Variants in ZNF844 observed in about 807,000 individuals in gnomAD.
ZNF844 encodes zinc finger protein 844.
In ZNF844, 11 loss-of-function variants were observed where a neutral mutation model predicts 11.4. The observed-to-expected ratio is 0.97, with a 90% CI of 0.61 to 1.60. ZNF844 has a LOEUF of 1.60. Among genes scored for constraint, ZNF844 ranks in the 40% most tolerant of loss-of-function variants. The pLI is 0.00. For synonymous variants in ZNF844, 248 were observed against 260.3 expected, an observed-to-expected ratio of 0.95 and a Z score of 0.46; for missense variants, 790 against 796.8, an observed-to-expected ratio of 0.99 and a Z score of 0.10.
At chr19:12,071,213 A>G (rs1305470627) in intron 1 of ZNF844, among the ~76,000 whole-genome samples, 1 of 152,142 alleles carries the variant, frequency 6.6e-6, no homozygotes, top group African/African-American at 2.4e-5. Context: ...CCCCCATGAT[A>G]CATGTGAAAC....
At position 12,076,205 on chromosome 19, in the gene ZNF844, G is replaced by C; in HGVS notation, c.1085G>C (p.Arg362Thr). 6 of 1,594,114 alleles carry C rather than the reference G, an allele frequency of 3.8e-6. No homozygotes were observed. The East Asian group carries it at 1.4e-4, about 37-fold the overall frequency. ...QRHMKMHTRM[R>T]PYKCKTVEKP... is the part of the protein sequence containing the mutation. ...CACATGAAAATGCACACTAGAATGA[G>C]ACCTTATAAATGTAAGACTGTGGAA... The change falls in exon 4 of 4, where the codon AGA becomes ACA. Residue 362 changes from arginine (R) to threonine (T), a missense_variant. Transcript: ENST00000439326.
At chr19:12,075,193 TA>T in intron 3 of ZNF844, 118 bp from the exon 4 acceptor site, 1 of 720,126 alleles carries the variant, frequency 1.4e-6, no homozygotes, top group Non-Finnish European at 1.8e-6. Flanking sequence ...CCCTAAAACT[TA>T]AAGTATATTA....
At position 12,075,926 on chromosome 19, in the gene ZNF844, A is replaced by G. The variant is rs1159043722; in HGVS notation, c.806A>G (p.Tyr269Cys). 1.2e-6 allele frequency: 2 copies of G among 1,601,258 alleles called. No individual in the cohort carries two copies. Among genetic ancestry groups the G allele is most frequent in the South Asian group, 2.2e-5 (2 of 89,934 alleles). The change falls in exon 4 of 4, where the codon TAT becomes TGT. Residue 269 changes from tyrosine to cysteine, a missense_variant. Tyr to Cys is a radical substitution (Grantham distance 194, BLOSUM62 -2). Around this residue, in one of 3 missense-constraint regions of ZNF844, gnomAD observed 657 missense variants for 636.2 expected, o/e 1.03. Coordinates refer to ENST00000439326, the MANE Select transcript of ZNF844 (RefSeq NM_001136501.3). Reference sequence around the variant, plus strand: ...GCATTCGGTAGTCCCAATTCCCTTTATGAACATAGAAGAACTCACACTGGA... The same window carrying G: ...GCATTCGGTAGTCCCAATTCCCTTTGTGAACATAGAAGAACTCACACTGGA... ...GKAFGSPNSLYEHRRTHTGEK... is the reference protein window; with the variant it reads ...GKAFGSPNSLCEHRRTHTGEK...
At position 12,074,398 on chromosome 19, in the gene ZNF844, C is replaced by T. The variant is rs1230889201; in HGVS notation, c.168C>T (p.Tyr56=). 7.8e-6 allele frequency: 12 copies of T among 1,537,198 alleles called. No homozygotes were observed. The highest frequency in any genetic ancestry group is 1.0e-5 in the Non-Finnish European group (12 of 1,143,020). Residue 56 remains tyrosine (Y), a synonymous_variant, in exon 3 of 4, where the codon TAC becomes TAT. Transcript: ENST00000439326. ...KWKDQNIEDQ[Y]KNPRNNLRSL... ...AAGACCAGAACATTGAAGATCAGTA[C>T]AAAAATCCCAGGAATAATCTAAGGT...
At chr19:12,067,449 T>C (rs1201134984) in intron 1 of ZNF844, among the ~76,000 whole-genome samples, 1 of 147,088 alleles carries the variant, frequency 6.8e-6, no homozygotes, top group Non-Finnish European at 1.5e-5. Flanking sequence ...CTACTAAAAA[T>C]ATAAAAATTA....
intron 1 of ZNF844, among the ~76,000 whole-genome samples, chr19:12,071,426 C>T (rs1159328793): frequency 6.6e-6 from 1 of 152,208 alleles, no homozygotes; most frequent in Non-Finnish European, 1.5e-5. Context: ...AGATTTGCTT[C>T]AGCTTTAAAG....
In ZNF844 at chr19:12,076,834, C is replaced by T; in HGVS notation, c.1714C>T (p.Pro572Ser). The part of the protein sequence containing the change: ...NMEKHSTISL[P>S]FKYMQQCTED... ...GGAAAAGCATTCAACAATTTCTCTT[C>T]CTTTCAAATACATGCAACAATGCAC... The change falls in exon 4 of 4, where the codon CCT (proline) becomes TCT (serine). Residue 572 changes from proline (P) to serine (S), a missense_variant. Pro to Ser is a moderately conservative substitution (Grantham distance 74). Coordinates refer to ENST00000439326, the MANE Select transcript of ZNF844 (RefSeq NM_001136501.3). 1.3e-6 allele frequency: 2 copies of T among 1,559,930 alleles called. No individual in the cohort carries two copies. Among genetic ancestry groups the T allele is most frequent in the South Asian group, 1.2e-5 (1 of 85,532 alleles).
Position 12,077,475 on chromosome 19 carries a change from C to G in ZNF844, c.*354C>G. Reference sequence around the variant, plus strand: ...CAGAGAGAAACACTATGAATGTAAGCAGTGTGGGAAAGCCTTCATTTCTTC... The same window carrying G: ...CAGAGAGAAACACTATGAATGTAAGGAGTGTGGGAAAGCCTTCATTTCTTC... On this transcript the variant is annotated 3_prime_UTR_variant, in exon 4 of 4. Transcript: ENST00000439326. 1 of 600,978 alleles carries G rather than the reference C, an allele frequency of 1.7e-6. No homozygotes were observed. The allele number at this position is 600,978 out of a possible 1,614,324, so 37.2% of individuals were successfully genotyped here.
intron 1 of ZNF844, chr19:12,070,345 G>A (rs1245845631): frequency 6.6e-6 from 1 of 152,122 alleles, no homozygotes; most frequent in Admixed American, 6.6e-5. Flanking sequence ...TGAATATCTG[G>A]TCCATCTTCT....
At chr19:12,065,962 C>T (rs997432967) in intron 1 of ZNF844, among the ~76,000 whole-genome samples, 4 of 152,052 alleles carry the variant, frequency 2.6e-5, no homozygotes, top group African/African-American at 9.7e-5. Context: ...CAAGGTCTCA[C>T]TCTGTCGCCC....
In ZNF844 at chr19:12,077,025, C is replaced by T. The variant is rs746374543; in HGVS notation, c.1905C>T (p.Cys635=). Residue 635 remains cysteine (C), a synonymous_variant, in exon 4 of 4, where the codon TGC becomes TGT. Coordinates refer to ENST00000439326, the MANE Select transcript of ZNF844 (RefSeq NM_001136501.3). ...TTCTTTGCGTATACACAAAAGGATG[C>T]ACACTGGAGAGAAACCATATTAATG... The part of the protein sequence containing the change: ...IFLLCVYTKG[C]TLERNHINVR... 16 of 1,596,286 alleles carry T rather than the reference C, an allele frequency of 1.0e-5. No individual in the cohort carries two copies. In the South Asian group the frequency reaches 1.6e-4, roughly 16 times the overall value.
Position 12,077,120 on chromosome 19 carries a change from G to A in ZNF844, c.2000G>A (p.Ter667=). Reference sequence around the variant, plus strand: ...GACATAAAAGGGCTCACACTGGAGTGAAACCGTATGAATGCAAGGAATGTG... The same window carrying A: ...GACATAAAAGGGCTCACACTGGAGTAAAACCGTATGAATGCAAGGAATGTG... The part of the protein sequence containing the change: ...FVDIKGLTLE[*] Residue 667 remains the stop codon, a stop_retained_variant, in exon 4 of 4, where the codon TGA becomes TAA. Transcript: ENST00000439326. 6.3e-7 allele frequency: 1 copy of A among 1,598,192 alleles called. No individual in the cohort carries two copies. The highest frequency in any genetic ancestry group is 8.5e-7 in the Non-Finnish European group (1 of 1,172,072).
intron 1 of ZNF844, among the ~76,000 whole-genome samples, chr19:12,069,179 C>CTTTTT (rs748342323): frequency 3.3e-5 from 4 of 120,864 alleles, no homozygotes; most frequent in African/African-American, 6.8e-5. Flanking sequence ...TCTTTTATTC[C>CTTTTT]TTTTTTTTTT....
rs972085343 is a variant in ZNF844 at position 12,076,115 on chromosome 19, C to G, written c.995C>G (p.Ser332Cys). 1.6e-5 allele frequency: 25 copies of G among 1,569,060 alleles called. No homozygotes were observed. In the African/African-American group the frequency reaches 1.8e-4, roughly 11 times the overall value. ...CTTTGTAGACATGAAGTGACCCACTCTGGGAAAAAGCCCTGTGAATGTAAA... is the reference window on the plus strand; with the variant it reads ...CTTTGTAGACATGAAGTGACCCACTGTGGGAAAAAGCCCTGTGAATGTAAA... ...SYLCRHEVTH[S>C]GKKPCECKQC... is the part of the protein sequence containing the mutation. The change falls in exon 4 of 4, where the codon TCT (serine) becomes TGT (cysteine). Residue 332 changes from serine (S) to cysteine (C), a missense_variant. Ser to Cys is a moderately radical substitution (Grantham distance 112, BLOSUM62 -1). Around this residue, in one of 3 missense-constraint regions of ZNF844, gnomAD observed 657 missense variants for 636.2 expected, o/e 1.03. Transcript: ENST00000439326.
In ZNF844 at chr19:12,081,381, G is replaced by A. The variant is rs572639318; in HGVS notation, c.*4260G>A. ...CCTGTGTTTCATTTCTGAATGTAAT[G>A]TCTCCATTTATTTTCAATTATGTTT... On this transcript the variant is annotated 3_prime_UTR_variant, in exon 4 of 4. Coordinates refer to ENST00000439326, the MANE Select transcript of ZNF844 (RefSeq NM_001136501.3). The A allele has an allele frequency of 3.9e-5, 6 of 152,214 alleles. No individual in the cohort carries two copies. The South Asian group carries it at 1.2e-3, about 32-fold the overall frequency. The allele number at this position is 152,214 out of a possible 1,614,324, so 9.4% of individuals were successfully genotyped here.
At position 12,077,270 on chromosome 19, in the gene ZNF844, A is replaced by G; in HGVS notation, c.*149A>G. ...CTTCCACTGCCATTCGTAGACATGA[A>G]AGGACTCACACTGGAGAGAAACCCT... is the stretch of plus-strand genomic sequence containing the variant. On this transcript the variant is annotated 3_prime_UTR_variant, in exon 4 of 4. Transcript: ENST00000439326. 7.3e-7 allele frequency: 1 copy of G among 1,378,256 alleles called. No homozygotes were observed. Among genetic ancestry groups the G allele is most frequent in the Non-Finnish European group, 1.0e-6 (1 of 968,738 alleles). 85.4% of individuals were successfully genotyped at this position (1,378,256 alleles called of 1,614,324 possible).
rs1364607917 is a variant in ZNF844 at position 12,079,155 on chromosome 19, C to T, written c.*2034C>T. 1.3e-5 allele frequency: 2 copies of T among 152,088 alleles called. No homozygotes were observed. The highest frequency in any genetic ancestry group is 4.8e-5 in the African/African-American group (2 of 41,412). The allele number at this position is 152,088 out of a possible 1,614,324, so 9.4% of individuals were successfully genotyped here. ...ATGAGCCACTGCACCCGGCCTTCTCCCCATTCATTTTCAAAGACATAAAAG... is the reference window on the plus strand; with the variant it reads ...ATGAGCCACTGCACCCGGCCTTCTCTCCATTCATTTTCAAAGACATAAAAG... On this transcript the variant is annotated 3_prime_UTR_variant, in exon 4 of 4. Transcript: ENST00000439326.
chr19:12,075,420 A>G lies in ZNF844; in HGVS notation c.300A>G (p.Val100=). ...DTLNKKTSPG[V]KSCESSVCGE... is the part of the protein sequence containing the mutation. ...TGAACAAAAAAACTTCTCCTGGAGT[A>G]AAATCATGTGAAAGCAGTGTGTGTG... Residue 100 remains valine (V), a synonymous_variant, in exon 4 of 4, where the codon GTA becomes GTG. Coordinates refer to ENST00000439326, the MANE Select transcript of ZNF844 (RefSeq NM_001136501.3). 6.2e-7 allele frequency: 1 copy of G among 1,608,598 alleles called. No homozygotes were observed. Among genetic ancestry groups the G allele is most frequent in the Admixed American group, 1.7e-5 (1 of 58,606 alleles).
chr19:12,074,557 C>T (rs1354732340), intron 3 of ZNF844, 136 bp downstream of exon 3: 2 of 737,482 alleles, frequency 2.7e-6, no homozygotes, highest in Non-Finnish European at 4.5e-6. Flanking sequence ...CTCTAAAAAC[C>T]TACATTTAAA....
Sources: gnomAD v4.1 joint callset for allele counts (sites outside exome capture counted in the v4.1 genomes callset) on GRCh38, gnomAD v4.1.1 for gene constraint, gnomAD v4.1.1 regional missense constraint, MANE v1.5 for transcripts, NCBI Gene and HGNC (gene_info 2026-07-23, HGNC 2026-07-21) for gene names.